The following NTRK2 variants were observed in gnomAD, a reference collection of about 807,000 sequenced individuals.
The protein encoded by NTRK2 is neurotrophic receptor tyrosine kinase 2, also known as BDNF/NT-3 growth factors receptor.
NTRK2 carries 13 observed loss-of-function variants against 94.5 expected under a neutral mutation model. The observed-to-expected ratio is 0.14, with a 90% confidence interval of 0.09 to 0.22. NTRK2 has a LOEUF of 0.22. NTRK2 is among the 10% of genes least tolerant of loss of function. NTRK2 has a pLI of 1.00. For missense variants in NTRK2, 639 were observed against 1,071.2 expected (o/e 0.60, Z 5.63); for synonymous variants, 372 against 407.4 (o/e 0.91, Z 1.05).
At chr9:84,877,306 A>G in intron 14 of NTRK2, 1 of 1,065,966 alleles carries the variant, frequency 9.4e-7, no homozygotes, top group Non-Finnish European at 1.1e-6. Flanking sequence ...CACTTGTCTC[A>G]GTATGAGGAA....
chr9:84,819,736 C>T (rs548618815), intron 12 of NTRK2, among the ~76,000 whole-genome samples: 62 of 152,286 alleles, frequency 4.1e-4, no homozygotes, highest in African/African-American at 1.3e-3. Flanking sequence ...TGCAGAATGG[C>T]GCCTTCTCTG....
intron 14 of NTRK2, among the ~76,000 whole-genome samples, chr9:84,912,832 G>C (rs188961421): frequency 6.6e-6 from 1 of 151,852 alleles, no homozygotes; most frequent in Non-Finnish European, 1.5e-5. Flanking sequence ...TAGCCAGGAT[G>C]GTCTCGATCT....
At chr9:84,751,470 A>C (rs1042946423) in intron 11 of NTRK2, among the ~76,000 whole-genome samples, 1 of 152,086 alleles carries the variant, frequency 6.6e-6, no homozygotes, top group African/African-American at 2.4e-5. Context: ...AGTCCTAGCT[A>C]CTCAGGAGGC....
intron 14 of NTRK2, among the ~76,000 whole-genome samples, chr9:84,909,825 A>G (rs1268325727): frequency 1.3e-5 from 2 of 152,158 alleles, no homozygotes; most frequent in Non-Finnish European, 2.9e-5. Context: ...TATTCTAGAT[A>G]GTAGTCCTAT....
intron 14 of NTRK2, among the ~76,000 whole-genome samples, chr9:84,882,812 C>A (rs1463518946): frequency 6.6e-6 from 1 of 152,146 alleles, no homozygotes; most frequent in African/African-American, 2.4e-5. Context: ...TCTTGTCGCC[C>A]AGGCTGGAGT....
chr9:84,732,629 G>A (rs1037733150), intron 9 of NTRK2, among the ~76,000 whole-genome samples: 2 of 152,186 alleles, frequency 1.3e-5, no homozygotes, highest in South Asian at 2.1e-4. Context: ...ATTTGAGCTC[G>A]TGGCCAGTCT....
chr9:84,727,097 T>G (rs1349279314), intron 8 of NTRK2, among the ~76,000 whole-genome samples: 1 of 152,236 alleles, frequency 6.6e-6, no homozygotes, highest in Non-Finnish European at 1.5e-5. Context: ...TAATAAATGT[T>G]GATTTGTTAT....
rs991817342 is a variant in NTRK2, at chr9:85,023,659, A to T, written c.*2222A>T. 1.7e-5 allele frequency: 4 copies of T among 230,700 alleles called. No homozygotes were observed. The highest frequency in any genetic ancestry group is 8.9e-5 in the African/African-American group (4 of 45,090). 14.3% of individuals were successfully genotyped at this position (230,700 alleles called of 1,614,324 possible). A position where few individuals can be genotyped will look rare whatever the true frequency, so the allele number is the denominator to read the frequency against. ...ATATCTCCATGATATATATGTGCACATATATATACATACATGTGCATGTAT... is the reference window on the plus strand; with the variant it reads ...ATATCTCCATGATATATATGTGCACTTATATATACATACATGTGCATGTAT... On this transcript the variant is annotated 3_prime_UTR_variant, in exon 19 of 19. Coordinates refer to ENST00000277120, the MANE Select transcript of NTRK2 (RefSeq NM_006180.6).
chr9:84,731,782 C>T (rs2062908955), intron 9 of NTRK2, among the ~76,000 whole-genome samples: 1 of 152,074 alleles, frequency 6.6e-6, no homozygotes, highest in African/African-American at 2.4e-5. Flanking sequence ...GTGAGGCAGG[C>T]ATTAAAAGAG....
At chr9:84,938,273 G>C (rs2078278387) in intron 15 of NTRK2, among the ~76,000 whole-genome samples, 1 of 152,158 alleles carries the variant, frequency 6.6e-6, no homozygotes, top group Non-Finnish European at 1.5e-5. Context: ...TCCACCAAGA[G>C]TTTGGAAAAG....
intron 12 of NTRK2, among the ~76,000 whole-genome samples, chr9:84,760,530 GAAT>G (rs1170890964): frequency 6.6e-6 from 1 of 152,186 alleles, no homozygotes; most frequent in Non-Finnish European, 1.5e-5. Context: ...TATGTATCAT[GAAT>G]ACAAATGTGC....
At chr9:84,992,181 T>G (rs958871723) in intron 17 of NTRK2, among the ~76,000 whole-genome samples, 2 of 152,170 alleles carry the variant, frequency 1.3e-5, no homozygotes, top group Admixed American at 1.3e-4. Context: ...TATTGGTGGC[T>G]GCTTGATACC....
At chr9:84,730,402 C>T (rs1206598577) in intron 9 of NTRK2, among the ~76,000 whole-genome samples, 2 of 152,052 alleles carry the variant, frequency 1.3e-5, no homozygotes, top group Non-Finnish European at 2.9e-5. Flanking sequence ...CAGACAATGA[C>T]CTTTCTTAGA....
chr9:84,700,112 A>G (rs2060632255), intron 2 of NTRK2, among the ~76,000 whole-genome samples: 4 of 152,210 alleles, frequency 2.6e-5, no homozygotes, highest in Admixed American at 2.6e-4. Context: ...AGGAGGGGAC[A>G]GGCTTGCCTG....
At chr9:84,833,816 A>G (rs542085051) in intron 12 of NTRK2, among the ~76,000 whole-genome samples, 1 of 152,290 alleles carries the variant, frequency 6.6e-6, no homozygotes, top group Non-Finnish European at 1.5e-5. Context: ...TCTTACCTGG[A>G]GCACTTTTTA....
At chr9:84,968,870 A>G (rs1173737440) in intron 17 of NTRK2, among the ~76,000 whole-genome samples, 1 of 151,722 alleles carries the variant, frequency 6.6e-6, no homozygotes, top group Admixed American at 6.6e-5. Context: ...GCATATTTGC[A>G]AGGATGCTCT....
At chr9:84,810,943 A>G in intron 12 of NTRK2, 1 of 1,147,706 alleles carries the variant, frequency 8.7e-7, no homozygotes, top group Non-Finnish European at 1.1e-6. Context: ...ACATTTATTG[A>G]CTTAATTGCT....
At chr9:84,979,831 A>G (rs756694084) in intron 17 of NTRK2, among the ~76,000 whole-genome samples, 1 of 152,268 alleles carries the variant, frequency 6.6e-6, no homozygotes, top group Non-Finnish European at 1.5e-5. Context: ...TGTCACCACG[A>G]AGGCAAGAAC....
At chr9:84,832,935 A>G (rs2073650819) in intron 12 of NTRK2, among the ~76,000 whole-genome samples, 1 of 152,096 alleles carries the variant, frequency 6.6e-6, no homozygotes, top group African/African-American at 2.4e-5. Context: ...GATAGATTGG[A>G]TGCGGGCACT....
Sources: allele counts gnomAD v4.1 joint callset (sites outside exome capture counted in the v4.1 genomes callset), GRCh38; gene constraint gnomAD v4.1.1; transcripts MANE v1.5; gene names NCBI Gene and HGNC (gene_info 2026-07-23, HGNC 2026-07-21).